The following LIMK2 variants were observed in gnomAD, a reference collection of about 807,000 sequenced individuals.
The protein encoded by LIMK2 is LIM domain kinase 2.
LIMK2 carries 35 observed loss-of-function variants against 75.7 expected under a neutral mutation model. That is an observed-to-expected ratio of 0.46 (90% CI 0.35 to 0.61). LIMK2 has a LOEUF of 0.61. Among genes scored for constraint, LIMK2 ranks in the 20% least tolerant of loss-of-function variants. The pLI, the probability that LIMK2 is intolerant of heterozygous loss-of-function variation, is 0.00. For missense variants in LIMK2, 623 were observed against 831.0 expected (o/e 0.75, Z 3.08); for synonymous variants, 301 against 319.2 (o/e 0.94, Z 0.61).
chr22:31,269,040 T>G (rs1017162681), intron 11 of LIMK2, among the ~76,000 whole-genome samples: 2 of 121,356 alleles, frequency 1.6e-5, no homozygotes, highest in African/African-American at 2.7e-5. Flanking sequence ...GTTTTTTTGT[T>G]TGTTTGTTTG....
chr22:31,279,296 G>A lies in LIMK2; in HGVS notation c.*855G>A, dbSNP rs2123877896. On this transcript the variant is annotated 3_prime_UTR_variant, in exon 16 of 16. Coordinates refer to ENST00000331728, the MANE Select transcript of LIMK2 (RefSeq NM_005569.4). ...ACTCGGGTGGGCTCCTTAGTCAGAT[G>A]CCTAAAACATTTTGCCTAAAGCTCG... is the stretch of plus-strand genomic sequence containing the variant. 6.6e-6 allele frequency: 1 copy of A among 152,384 alleles called. No individual in the cohort carries two copies. The allele number at this position is 152,384 out of a possible 1,614,324, so 9.4% of individuals were successfully genotyped here. A position where few individuals can be genotyped will look rare whatever the true frequency, so the allele number is the denominator to read the frequency against.
In LIMK2 at chr22:31,278,436, C is replaced by T. The variant is rs935290709; in HGVS notation, c.1912C>T (p.Pro638Ser). 5.0e-6 allele frequency: 8 copies of T among 1,608,282 alleles called. No individual in the cohort carries two copies. The highest frequency in any genetic ancestry group is 6.8e-6 in the Non-Finnish European group (8 of 1,177,262). The change falls in exon 16 of 16, where the codon CCC becomes TCC. Residue 638 changes from proline (P) to serine (S), a missense_variant. Physicochemically the swap from Pro to Ser is moderately conservative, Grantham distance 74 (BLOSUM62 -1). Coordinates refer to ENST00000331728, the MANE Select transcript of LIMK2 (RefSeq NM_005569.4). ...GTACGGCCTGACCCGGGACTCACCT[C>T]CCTAGCCCTGGCCCAGCCCCCTGCA... ...MQYGLTRDSP[P>S]
At chr22:31,266,899 G>A (rs1408173641) in intron 8 of LIMK2, 85 bp from the exon 9 acceptor site, 14 of 920,260 alleles carry the variant, frequency 1.5e-5, no homozygotes, top group Non-Finnish European at 2.4e-5. Context: ...CCAAGGGATG[G>A]GATGGCCAGC....
intron 12 of LIMK2, 117 bp from the exon 13 acceptor site, chr22:31,272,413 T>G: frequency 1.1e-6 from 1 of 944,212 alleles, no homozygotes; most frequent in Admixed American, 2.4e-5. Context: ...GCTCTGATTC[T>G]CCCTTGCTAT....
At chr22:31,221,878 T>C (rs2048437459) in intron 1 of LIMK2, among the ~76,000 whole-genome samples, 1 of 152,210 alleles carries the variant, frequency 6.6e-6, no homozygotes, top group South Asian at 2.1e-4. Flanking sequence ...AGATGCATAG[T>C]TGGCATGCAA....
chr22:31,276,754 G>T, intron 15 of LIMK2: 1 of 1,577,466 alleles, frequency 6.3e-7, no homozygotes, highest in African/African-American at 1.4e-5. Context: ...CCCAGGCCAG[G>T]CAGTGGCGGC....
At chr22:31,277,631 A>G in intron 15 of LIMK2, 4 of 812,204 alleles carry the variant, frequency 4.9e-6, no homozygotes, top group Non-Finnish European at 6.0e-6. Flanking sequence ...AAATATATAT[A>G]TACAGTATTG....
At chr22:31,246,159 C>T (rs570329042) in intron 2 of LIMK2, among the ~76,000 whole-genome samples, 5 of 120,566 alleles carry the variant, frequency 4.1e-5, no homozygotes, top group Non-Finnish European at 7.7e-5. Flanking sequence ...GGCAACAGAG[C>T]GAGACTCCGA....
chr22:31,234,719 CAAA>C lies in LIMK2; in HGVS notation c.116+8921_116+8923del, dbSNP rs35909225. 5.3e-3 allele frequency among the ~76,000 whole-genome samples: 362 copies of C among 68,424 alleles called. 1 individual carries two copies. The highest frequency in any genetic ancestry group is 0.015 in the African/African-American group (306 of 20,784). 44.9% of individuals were successfully genotyped at this position (68,424 alleles called of 152,430 possible). On this transcript the variant is annotated intron_variant, in intron 2 of 15. Transcript: ENST00000331728. ...CTGGTGACAGAGTAAGACTCCATCT[CAAA>C]AAAAAAAAAAAAAAAAAAAATTCCT...
intron 11 of LIMK2, among the ~76,000 whole-genome samples, chr22:31,269,166 C>T (rs1396552173): frequency 6.6e-6 from 1 of 151,836 alleles, no homozygotes; most frequent in Non-Finnish European, 1.5e-5. Flanking sequence ...AGTGCAGTGG[C>T]ACGATCATGG....
intron 1 of LIMK2, among the ~76,000 whole-genome samples, chr22:31,220,196 T>G (rs1285868747): frequency 6.6e-6 from 1 of 152,192 alleles, no homozygotes; most frequent in Non-Finnish European, 1.5e-5. Context: ...GGAGGCTGTG[T>G]GCTTTGGGTG....
At chr22:31,251,469 T>C (rs1356191267) in intron 2 of LIMK2, among the ~76,000 whole-genome samples, 2 of 152,192 alleles carry the variant, frequency 1.3e-5, no homozygotes, top group Admixed American at 6.5e-5. Context: ...CTGCAACTTA[T>C]GTGGCTCCTC....
intron 7 of LIMK2, among the ~76,000 whole-genome samples, chr22:31,265,100 A>G (rs930840370): frequency 6.7e-6 from 1 of 149,038 alleles, no homozygotes; most frequent in East Asian, 2.0e-4. Flanking sequence ...AGGCTGAGGC[A>G]GGAGAATCTC....
intron 2 of LIMK2, chr22:31,248,396 C>A: frequency 7.3e-7 from 1 of 1,366,142 alleles, no homozygotes; most frequent in Non-Finnish European, 9.6e-7. Context: ...TAGTCACCGG[C>A]CCCTGCTCAA....
intron 2 of LIMK2, among the ~76,000 whole-genome samples, chr22:31,227,307 A>T (rs550887743): frequency 6.6e-5 from 10 of 152,364 alleles, no homozygotes; most frequent in Admixed American, 2.6e-4. Context: ...TGTGCTGTAG[A>T]TTCCAGCTCC....
chr22:31,265,979 C>T lies in LIMK2; in HGVS notation c.888C>T (p.Pro296=), dbSNP rs1249181673. The T allele has an allele frequency of 1.2e-6, 2 of 1,614,084 alleles. No homozygotes were observed. Among genetic ancestry groups the T allele is most frequent in the Non-Finnish European group, 1.7e-6 (2 of 1,180,042 alleles). The change falls in exon 8 of 16, where the codon CCC becomes CCT. Residue 296 remains proline, a synonymous_variant. Coordinates refer to ENST00000331728, the MANE Select transcript of LIMK2 (RefSeq NM_005569.4). The part of the protein sequence containing the change: ...RSNSISKSPG[P]SSPKEPLLFS... ...ACAGTATCTCCAAGTCCCCTGGCCC[C>T]AGCTCCCCAAAGGAGCCCCTGCTGT...
intron 2 of LIMK2, among the ~76,000 whole-genome samples, chr22:31,235,240 T>G (rs1216437024): frequency 2.0e-5 from 3 of 152,170 alleles, no homozygotes; most frequent in African/African-American, 4.8e-5. Context: ...ATGATGTAAG[T>G]CAGGCTTTTC....
intron 11 of LIMK2, among the ~76,000 whole-genome samples, chr22:31,269,054 GTTTT>G (rs1038345992): frequency 5.0e-4 from 73 of 146,496 alleles, no homozygotes; most frequent in South Asian, 4.8e-3. Context: ...TTGTTTGTTT[GTTTT>G]TTTGTTTTTT....
At position 31,212,344 on chromosome 22, in the gene LIMK2, T is replaced by TAGGGAACTGAGGGGAGCTGC. The variant is rs1173011899; in HGVS notation, c.-64_-45dup. The TAGGGAACTGAGGGGAGCTGC allele has an allele frequency of 3.8e-6, 5 of 1,316,912 alleles. No homozygotes were observed. The highest frequency in any genetic ancestry group is 6.2e-5 in the Admixed American group (2 of 32,130). The allele number at this position is 1,316,912 out of a possible 1,614,324, so 81.6% of individuals were successfully genotyped here. A position where few individuals can be genotyped will look rare whatever the true frequency, so the allele number is the denominator to read the frequency against. On this transcript the variant is annotated 5_prime_UTR_variant, in exon 1 of 16. Transcript: ENST00000331728. The stretch of plus-strand genomic sequence containing the variant: ...CGGCGGCAGGAGCTGAGGGGAGTTG[T>TAGGGAACTGAGGGGAGCTGC]AGGGAACTGAGGGGAGCTGCTGTGT...
Sources: gnomAD v4.1 joint callset for allele counts (sites outside exome capture counted in the v4.1 genomes callset) on GRCh38, gnomAD v4.1.1 for gene constraint, MANE v1.5 for transcripts, NCBI Gene and HGNC (gene_info 2026-07-23, HGNC 2026-07-21) for gene names.